The following PLXNA2 variants were observed in gnomAD, a reference collection of about 807,000 sequenced individuals.
The protein encoded by PLXNA2 is plexin-A2.
PLXNA2 carries 91 observed loss-of-function variants against 193.5 expected under a neutral mutation model. The observed-to-expected ratio is 0.47, with a 90% confidence interval of 0.40 to 0.56. PLXNA2 has a LOEUF of 0.56. PLXNA2 is among the 20% of genes least tolerant of loss of function. The pLI, the probability that PLXNA2 is intolerant of heterozygous loss-of-function variation, is 0.00. For missense variants in PLXNA2, 1,995 were observed against 2,503.2 expected (o/e 0.80, Z 4.33); for synonymous variants, 997 against 1,027.3 (o/e 0.97, Z 0.56).
intron 3 of PLXNA2, among the ~76,000 whole-genome samples, chr1:208,172,279 TG>T (rs1365484019): frequency 6.6e-6 from 1 of 152,018 alleles, no homozygotes; most frequent in Non-Finnish European, 1.5e-5. Context: ...GAGGAAGTAC[TG>T]TGGAATTGGA....
chr1:208,106,316 T>C lies in PLXNA2; in HGVS notation c.1507-3069A>G, dbSNP rs574263434. ...TTCTATATTCATTTGTCAGTCAATA[T>C]TCATTGATTGTGTCCTCCATCCAGG... is the stretch of plus-strand genomic sequence containing the variant. On this transcript the variant is annotated intron_variant, in intron 4 of 31. Transcript: ENST00000367033. 5.3e-5 allele frequency among the ~76,000 whole-genome samples: 8 copies of C among 152,320 alleles called. No homozygotes were observed. In the East Asian group the frequency reaches 1.5e-3, roughly 29 times the overall value.
chr1:208,198,419 C>T (rs1490093844), intron 3 of PLXNA2, among the ~76,000 whole-genome samples: 1 of 152,248 alleles, frequency 6.6e-6, no homozygotes, highest in Admixed American at 6.5e-5. Flanking sequence ...ACGCTTTACC[C>T]AGCAGCTTTT....
rs139682885 is a variant in PLXNA2, at chr1:208,190,791, A to G, written c.1371+19489T>C. On this transcript the variant is annotated intron_variant, in intron 3 of 31. Coordinates refer to ENST00000367033, the MANE Select transcript of PLXNA2 (RefSeq NM_025179.4). ...CAACAAGTAATATGTTTGACAGCAC[A>G]TAGCAGGCCCATATGTAATTGTCAT... Among the ~76,000 whole-genome samples, 32 of 152,384 alleles carry G rather than the reference A, an allele frequency of 2.1e-4. No individual in the cohort carries two copies. The East Asian group carries it at 5.6e-3, about 27-fold the overall frequency.
At chr1:208,145,538 C>T (rs909305435) in intron 3 of PLXNA2, among the ~76,000 whole-genome samples, 6 of 152,206 alleles carry the variant, frequency 3.9e-5, no homozygotes, top group South Asian at 2.1e-4. Context: ...TGGGCACTTG[C>T]GTGGATTCAG....
chr1:208,243,992 G>C lies in PLXNA2; in HGVS notation c.-430C>G, dbSNP rs535835310. 6.6e-6 allele frequency: 1 copy of C among 152,324 alleles called. No homozygotes were observed. Among genetic ancestry groups the C allele is most frequent in the African/African-American group, 2.4e-5 (1 of 41,454 alleles). The allele number at this position is 152,324 out of a possible 1,614,324, so 9.4% of individuals were successfully genotyped here. A position where few individuals can be genotyped will look rare whatever the true frequency, so the allele number is the denominator to read the frequency against. On this transcript the variant is annotated 5_prime_UTR_variant, in exon 1 of 32. Coordinates refer to ENST00000367033, the MANE Select transcript of PLXNA2 (RefSeq NM_025179.4). The stretch of plus-strand genomic sequence containing the variant: ...TCTCCTGAGGAAGAAGCAGAGCCCC[G>C]GCTGTCTTCAGATTTTTCCAGCGCG...
intron 3 of PLXNA2, among the ~76,000 whole-genome samples, chr1:208,195,632 A>T (rs1670331651): frequency 7.3e-6 from 1 of 137,032 alleles, no homozygotes; most frequent in African/African-American, 2.6e-5. Context: ...AATGAAAAGG[A>T]TAGTCATAAA....
intron 3 of PLXNA2, among the ~76,000 whole-genome samples, chr1:208,177,665 A>C (rs756059954): frequency 3.7e-4 from 56 of 152,266 alleles, no homozygotes; most frequent in Non-Finnish European, 6.9e-4. Flanking sequence ...TGATGAGTGA[A>C]ACATAAAACA....
chr1:208,094,139 A>G (rs1022546934), intron 8 of PLXNA2, among the ~76,000 whole-genome samples: 1 of 152,204 alleles, frequency 6.6e-6, no homozygotes, highest in African/African-American at 2.4e-5. Context: ...ACTCTCAGAT[A>G]GACTGGTTCT....
At chr1:208,154,187 C>T (rs568091052) in intron 3 of PLXNA2, among the ~76,000 whole-genome samples, 7 of 152,320 alleles carry the variant, frequency 4.6e-5, no homozygotes, top group East Asian at 1.9e-4. Flanking sequence ...TTTGTGCTAA[C>T]GCCCCACAGC....
intron 12 of PLXNA2, among the ~76,000 whole-genome samples, chr1:208,074,559 G>A (rs753577850): frequency 4.6e-5 from 7 of 152,216 alleles, no homozygotes; most frequent in Non-Finnish European, 1.0e-4. Flanking sequence ...TAAAAGATGG[G>A]TCCCTCGGGT....
intron 9 of PLXNA2, among the ~76,000 whole-genome samples, chr1:208,086,979 C>CTCTCTCTCTCTCTCTG (rs1491364667): frequency 1.5e-5 from 1 of 65,444 alleles, no homozygotes; most frequent in Admixed American, 1.7e-4. Flanking sequence ...CTCTCTCTCT[C>CTCTCTCTCTCTCTCTG]TGTGTGTGTG....
chr1:208,143,025 G>C (rs1473853321), intron 3 of PLXNA2, among the ~76,000 whole-genome samples: 1 of 152,212 alleles, frequency 6.6e-6, no homozygotes, highest in Non-Finnish European at 1.5e-5. Flanking sequence ...GATGTGGGGA[G>C]CCAGGAATCC....
intron 3 of PLXNA2, among the ~76,000 whole-genome samples, chr1:208,198,195 CA>C (rs1558239816): frequency 6.6e-6 from 1 of 152,218 alleles, no homozygotes; most frequent in African/African-American, 2.4e-5. Context: ...CCCATCCCCC[CA>C]GCAGTGGTCG....
chr1:208,071,609 G>A (rs186128230), intron 12 of PLXNA2, among the ~76,000 whole-genome samples: 1 of 152,216 alleles, frequency 6.6e-6, no homozygotes, highest in South Asian at 2.1e-4. Context: ...TGGCATTGGC[G>A]GTGCCAGCTC....
intron 12 of PLXNA2, among the ~76,000 whole-genome samples, chr1:208,064,860 C>T (rs946957857): frequency 3.3e-5 from 5 of 152,064 alleles, no homozygotes; most frequent in African/African-American, 4.8e-5. Context: ...CTGCAGGGTC[C>T]CAATCCCCCG....
At chr1:208,209,252 C>A (rs1426166467) in intron 3 of PLXNA2, among the ~76,000 whole-genome samples, 2 of 152,162 alleles carry the variant, frequency 1.3e-5, no homozygotes, top group Non-Finnish European at 2.9e-5. Flanking sequence ...TAATTCAGAA[C>A]AAGCAGAACA....
chr1:208,051,046 C>T lies in PLXNA2; in HGVS notation c.3218G>A (p.Arg1073Lys). The T allele has an allele frequency of 6.2e-7, 1 of 1,614,108 alleles. No homozygotes were observed. Among genetic ancestry groups the T allele is most frequent in the East Asian group, 2.2e-5 (1 of 44,880 alleles). Residue 1073 changes from arginine (R) to lysine (K), a missense_variant, in exon 17 of 32, where the codon AGG (arginine) becomes AAG (lysine). Physicochemically the swap from Arg to Lys is conservative, Grantham distance 26. Around this residue, in one of 3 missense-constraint regions of PLXNA2, gnomAD observed 1,291 missense variants for 1,673.6 expected, o/e 0.77. Transcript: ENST00000367033. ...GFNLDVIQEP[R>K]IRVKFNGKES... ...TTTGCCATTGAATTTGACTCGGATC[C>T]TTGGCTCCTGAATGACATCCAGGTT...
intron 1 of PLXNA2, among the ~76,000 whole-genome samples, chr1:208,233,103 T>C (rs1366402650): frequency 6.6e-6 from 1 of 152,206 alleles, no homozygotes; most frequent in Non-Finnish European, 1.5e-5. Flanking sequence ...CAGGCTGGGA[T>C]AGCTCTGGCT....
intron 3 of PLXNA2, among the ~76,000 whole-genome samples, chr1:208,145,219 G>C (rs1273469390): frequency 1.3e-5 from 2 of 152,204 alleles, no homozygotes; most frequent in Admixed American, 1.3e-4. Flanking sequence ...TCTTGCCTGA[G>C]TCTGAACTGT....
Sources: allele counts gnomAD v4.1 joint callset (sites outside exome capture counted in the v4.1 genomes callset), GRCh38; gene constraint gnomAD v4.1.1; regional missense constraint gnomAD v4.1.1; transcripts MANE v1.5; gene names NCBI Gene and HGNC (gene_info 2026-07-23, HGNC 2026-07-21).